The following P2RY2 variants were observed in gnomAD, a reference collection of about 807,000 sequenced individuals.
The protein encoded by P2RY2 is purinergic receptor P2Y2, also known as P2Y purinoceptor 2.
For synonymous variants in P2RY2, 241 were observed against 231.9 expected (o/e 1.04, Z -0.35); for missense variants, 567 against 515.7 (o/e 1.10, Z -0.96).
Position 73,240,440 on chromosome 11 carries a change from T to G in P2RY2, c.*5147T>G, listed in dbSNP as rs1169883844. ...TCACCTCCTGGCCCTGCTCCTTACC[T>G]CCCCACCCTGATGTCATTTCCTGGG... On this transcript the variant is annotated 3_prime_UTR_variant, in exon 3 of 3. Transcript: ENST00000393597. 2.6e-5 allele frequency: 4 copies of G among 152,390 alleles called. No homozygotes were observed. Among genetic ancestry groups the G allele is most frequent in the Non-Finnish European group, 5.9e-5 (4 of 68,368 alleles). 9.4% of individuals were successfully genotyped at this position (152,390 alleles called of 1,614,324 possible). A position where few individuals can be genotyped will look rare whatever the true frequency, so the allele number is the denominator to read the frequency against.
In P2RY2 at chr11:73,234,386, C is replaced by A; in HGVS notation, c.227C>A (p.Ala76Asp). The change falls in exon 3 of 3, where the codon GCT becomes GAT. Residue 76 changes from alanine to aspartate, a missense_variant. Ala to Asp is a moderately radical substitution (Grantham distance 126, BLOSUM62 -2). Coordinates refer to ENST00000393597, the MANE Select transcript of P2RY2 (RefSeq NM_002564.4). ...TCCACCACATATATGTTCCACCTGG[C>A]TGTGTCTGATGCACTGTATGCGGCC... The part of the protein sequence containing the change: ...NASTTYMFHL[A>D]VSDALYAASL... 6.2e-7 allele frequency: 1 copy of A among 1,614,258 alleles called. No individual in the cohort carries two copies. Among genetic ancestry groups the A allele is most frequent in the Non-Finnish European group, 8.5e-7 (1 of 1,180,042 alleles).
At chr11:73,224,230 C>T (rs574850395) in intron 1 of P2RY2, among the ~76,000 whole-genome samples, 1 of 152,192 alleles carries the variant, frequency 6.6e-6, no homozygotes. Context: ...TGGGGAGGAG[C>T]CAGCGTGACT....
At chr11:73,230,670 G>A (rs1160801270) in intron 2 of P2RY2, among the ~76,000 whole-genome samples, 2 of 152,090 alleles carry the variant, frequency 1.3e-5, no homozygotes, top group African/African-American at 4.8e-5. Flanking sequence ...GTGGAGACGA[G>A]GGCTATGAAT....
At position 73,241,947 on chromosome 11, in the gene P2RY2, AT is replaced by A; in HGVS notation, c.*6658del. 6.6e-6 allele frequency: 1 copy of A among 152,270 alleles called. No individual in the cohort carries two copies. The highest frequency in any genetic ancestry group is 1.5e-5 in the Non-Finnish European group (1 of 68,074). The allele number at this position is 152,270 out of a possible 1,614,324, so 9.4% of individuals were successfully genotyped here. ...ACTGATACCCTGGTCTCCCTGAGTGATTTTCCTGCACACCCTGCTGGGGATG... is the reference window on the plus strand; with the variant it reads ...ACTGATACCCTGGTCTCCCTGAGTGATTTCCTGCACACCCTGCTGGGGATG... On this transcript the variant is annotated 3_prime_UTR_variant, in exon 3 of 3. Coordinates refer to ENST00000393597, the MANE Select transcript of P2RY2 (RefSeq NM_002564.4).
In P2RY2 at chr11:73,234,382, C is replaced by T; in HGVS notation, c.223C>T (p.Leu75=). Residue 75 remains leucine, a synonymous_variant, in exon 3 of 3, where the codon CTG becomes TTG. Transcript: ENST00000393597. Reference sequence around the variant, plus strand: ...TGCGTCCACCACATATATGTTCCACCTGGCTGTGTCTGATGCACTGTATGC... The same window carrying T: ...TGCGTCCACCACATATATGTTCCACTTGGCTGTGTCTGATGCACTGTATGC... ...WNASTTYMFH[L]AVSDALYAAS... is the part of the protein sequence containing the mutation. 6.2e-7 allele frequency: 1 copy of T among 1,614,256 alleles called. No homozygotes were observed. Among genetic ancestry groups the T allele is most frequent in the East Asian group, 2.2e-5 (1 of 44,892 alleles).
In P2RY2 at chr11:73,236,130, C is replaced by A. The variant is rs1862646513; in HGVS notation, c.*837C>A. The A allele has an allele frequency of 1.5e-5, 15 of 1,000,136 alleles. No individual in the cohort carries two copies. The highest frequency in any genetic ancestry group is 1.7e-5 in the Non-Finnish European group (14 of 829,940). 62.0% of individuals were successfully genotyped at this position (1,000,136 alleles called of 1,614,324 possible). A position where few individuals can be genotyped will look rare whatever the true frequency, so the allele number is the denominator to read the frequency against. On this transcript the variant is annotated 3_prime_UTR_variant, in exon 3 of 3. Transcript: ENST00000393597. ...ACTGTAAAGCCAGTTGGCTTCTGTGCCTGACTCTGTGCTGAGCACAGAGAA... is the reference window on the plus strand; with the variant it reads ...ACTGTAAAGCCAGTTGGCTTCTGTGACTGACTCTGTGCTGAGCACAGAGAA...
In P2RY2 at chr11:73,234,627, C is replaced by T. The variant is rs779575438; in HGVS notation, c.468C>T (p.Ala156=). The part of the protein sequence containing the change: ...RARYARRVAG[A]VWVLVLACQA... ...GCTACGCTCGCCGGGTGGCCGGGGCCGTGTGGGTGTTGGTGCTGGCCTGCC... is the reference window on the plus strand; with the variant it reads ...GCTACGCTCGCCGGGTGGCCGGGGCTGTGTGGGTGTTGGTGCTGGCCTGCC... Residue 156 remains alanine (A), a synonymous_variant, in exon 3 of 3, where the codon GCC becomes GCT. Coordinates refer to ENST00000393597, the MANE Select transcript of P2RY2 (RefSeq NM_002564.4). 7 of 1,570,200 alleles carry T rather than the reference C, an allele frequency of 4.5e-6. No individual in the cohort carries two copies. In the East Asian group the frequency reaches 9.0e-5, roughly 20 times the overall value.
intron 1 of P2RY2, among the ~76,000 whole-genome samples, chr11:73,219,274 A>G (rs1235263136): frequency 6.6e-6 from 1 of 152,070 alleles, no homozygotes; most frequent in Non-Finnish European, 1.5e-5. Flanking sequence ...CTGGGTGGAG[A>G]CCCAGGCAAG....
Position 73,241,545 on chromosome 11 carries a change from TCCATAAA to T in P2RY2, c.*6254_*6260del, listed in dbSNP as rs1230391599. The T allele has an allele frequency of 2.6e-5, 4 of 152,254 alleles. No homozygotes were observed. The highest frequency in any genetic ancestry group is 2.0e-4 in the Admixed American group (3 of 15,290). 9.4% of individuals were successfully genotyped at this position (152,254 alleles called of 1,614,324 possible). A position where few individuals can be genotyped will look rare whatever the true frequency, so the allele number is the denominator to read the frequency against. On this transcript the variant is annotated 3_prime_UTR_variant, in exon 3 of 3. Transcript: ENST00000393597. ...AGTGACGTGTGATTTTCCTTTCCCA[TCCATAAA>T]CTGCGCATTTGGCAAACTCCAAACT...
chr11:73,218,676 C>T (rs942445850), intron 1 of P2RY2: 2 of 152,206 alleles, frequency 1.3e-5, no homozygotes, highest in Non-Finnish European at 2.9e-5. Context: ...GACGGGCGCC[C>T]CAGTAGTGAG....
In P2RY2 at chr11:73,236,441, G is replaced by C; in HGVS notation, c.*1148G>C. 1.6e-6 allele frequency: 1 copy of C among 628,990 alleles called. No homozygotes were observed. The allele number at this position is 628,990 out of a possible 1,614,324, so 39.0% of individuals were successfully genotyped here. On this transcript the variant is annotated 3_prime_UTR_variant, in exon 3 of 3. Coordinates refer to ENST00000393597, the MANE Select transcript of P2RY2 (RefSeq NM_002564.4). Reference sequence around the variant, plus strand: ...TAATGCCGAGTGGCTGGGGCTGTGAGCCAGGGGGTCAGGGAAGGGTTCCTG... The same window carrying C: ...TAATGCCGAGTGGCTGGGGCTGTGACCCAGGGGGTCAGGGAAGGGTTCCTG...
chr11:73,223,573 C>T (rs1296288769), intron 1 of P2RY2, among the ~76,000 whole-genome samples: 1 of 152,238 alleles, frequency 6.6e-6, no homozygotes, highest in Non-Finnish European at 1.5e-5. Flanking sequence ...TTCTCCCCAT[C>T]TGACCACTGA....
chr11:73,218,407 G>A lies in P2RY2; in HGVS notation c.-225G>A, dbSNP rs1862023709. On this transcript the variant is annotated 5_prime_UTR_variant, in exon 1 of 3. Transcript: ENST00000393597. ...GAGCGGCGGCGACGGCACCCTGAGAGGAGAAGCGCAGCGCAGTGGCGAGAG... is the reference window on the plus strand; with the variant it reads ...GAGCGGCGGCGACGGCACCCTGAGAAGAGAAGCGCAGCGCAGTGGCGAGAG... The A allele has an allele frequency of 6.6e-6, 1 of 152,588 alleles. No homozygotes were observed. The highest frequency in any genetic ancestry group is 1.5e-5 in the Non-Finnish European group (1 of 68,352). 9.5% of individuals were successfully genotyped at this position (152,588 alleles called of 1,614,324 possible).
intron 2 of P2RY2, among the ~76,000 whole-genome samples, chr11:73,228,817 CTT>C (rs1315030036): frequency 6.6e-6 from 1 of 152,150 alleles, no homozygotes; most frequent in African/African-American, 2.4e-5. Context: ...TTGTAAGTAA[CTT>C]GATCAAGGTT....
chr11:73,229,844 G>A (rs777445605), intron 2 of P2RY2, among the ~76,000 whole-genome samples: 19 of 152,114 alleles, frequency 1.2e-4, no homozygotes, highest in Non-Finnish European at 2.2e-4. Flanking sequence ...CAGAGCAGTG[G>A]CGTGAAGGGG....
Position 73,238,060 on chromosome 11 carries a change from C to T in P2RY2, c.*2767C>T, listed in dbSNP as rs1027707252. Among the ~76,000 whole-genome samples the T allele has an allele frequency of 1.3e-5, 2 of 152,208 alleles. No homozygotes were observed. Among genetic ancestry groups the T allele is most frequent in the African/African-American group, 4.8e-5 (2 of 41,454 alleles). On this transcript the variant is annotated 3_prime_UTR_variant, in exon 3 of 3. Coordinates refer to ENST00000393597, the MANE Select transcript of P2RY2 (RefSeq NM_002564.4). Reference sequence around the variant, plus strand: ...AGCAGACCCCAGGGATTATCCAGCCCAGCTGCAGACTCAAGGCCAGAGATG... The same window carrying T: ...AGCAGACCCCAGGGATTATCCAGCCTAGCTGCAGACTCAAGGCCAGAGATG...
chr11:73,232,153 C>A (rs996189503), intron 2 of P2RY2, among the ~76,000 whole-genome samples: 9 of 152,124 alleles, frequency 5.9e-5, no homozygotes, highest in African/African-American at 2.2e-4. Context: ...CCCTTTCCAC[C>A]CTCCCAGACA....
chr11:73,235,655 A>G lies in P2RY2; in HGVS notation c.*362A>G, dbSNP rs1350972385. 9.7e-7 allele frequency: 1 copy of G among 1,028,084 alleles called. No individual in the cohort carries two copies. The highest frequency in any genetic ancestry group is 1.2e-6 in the Non-Finnish European group (1 of 849,222). The allele number at this position is 1,028,084 out of a possible 1,614,324, so 63.7% of individuals were successfully genotyped here. On this transcript the variant is annotated 3_prime_UTR_variant, in exon 3 of 3. Coordinates refer to ENST00000393597, the MANE Select transcript of P2RY2 (RefSeq NM_002564.4). ...AATGGAGAAACAGGCCCAGAGAGGAAGGTGGCTTACCAAGATCACATACCA... is the reference window on the plus strand; with the variant it reads ...AATGGAGAAACAGGCCCAGAGAGGAGGGTGGCTTACCAAGATCACATACCA...
chr11:73,230,928 G>A (rs1591635184), intron 2 of P2RY2, among the ~76,000 whole-genome samples: 1 of 137,598 alleles, frequency 7.3e-6, no homozygotes, highest in African/African-American at 2.6e-5. Context: ...GTGGGTGGGT[G>A]GGGGTGGCGC....
Sources: allele counts gnomAD v4.1 joint callset (sites outside exome capture counted in the v4.1 genomes callset), GRCh38; gene constraint gnomAD v4.1.1; transcripts MANE v1.5; gene names NCBI Gene and HGNC (gene_info 2026-07-23, HGNC 2026-07-21).